Variants in DPP10 observed in about 807,000 individuals in gnomAD.
The protein encoded by DPP10 is inactive dipeptidyl peptidase 10.
In DPP10, 33 loss-of-function variants were observed where a neutral mutation model predicts 120.9. The ratio of observed to expected loss-of-function variants is 0.27; its 90% CI spans 0.21 to 0.37. DPP10 has a LOEUF of 0.37. Among genes scored for constraint, DPP10 ranks in the 10% least tolerant of loss-of-function variants. The pLI is 1.00. For synonymous variants in DPP10, 337 were observed against 326.1 expected, an observed-to-expected ratio of 1.03 and a Z score of -0.36; for missense variants, 816 against 942.8, an observed-to-expected ratio of 0.87 and a Z score of 1.76.
At chr2:115,258,648 C>T (rs1387334377) in intron 1 of DPP10, among the ~76,000 whole-genome samples, 2 of 152,088 alleles carry the variant, frequency 1.3e-5, no homozygotes, top group Non-Finnish European at 2.9e-5. Context: ...TATTTTATTT[C>T]ATGTGCTTAC....
At chr2:114,595,489 A>G (rs1475239802) in intron 1 of DPP10, among the ~76,000 whole-genome samples, 1 of 152,054 alleles carries the variant, frequency 6.6e-6, no homozygotes, top group Admixed American at 6.6e-5. Context: ...AGCCAACAAG[A>G]CACTTTCTGC....
At chr2:114,922,297 C>T (rs549680180) in intron 1 of DPP10, among the ~76,000 whole-genome samples, 35 of 152,100 alleles carry the variant, frequency 2.3e-4, no homozygotes, top group Non-Finnish European at 3.8e-4. Flanking sequence ...CATAGCTTTG[C>T]CTATTCTAGA....
intron 1 of DPP10, among the ~76,000 whole-genome samples, chr2:114,703,234 C>T (rs1459878663): frequency 1.3e-5 from 2 of 152,160 alleles, no homozygotes; most frequent in East Asian, 3.9e-4. Flanking sequence ...AATAATATAT[C>T]TAAATCTTTT....
At chr2:114,743,546 C>A (rs77894686) in intron 1 of DPP10, among the ~76,000 whole-genome samples, 2,623 of 152,100 alleles carry the variant, frequency 0.017, 37 homozygotes, top group Non-Finnish European at 0.027. Flanking sequence ...AAGCAATATT[C>A]CCAAATCTAC....
At chr2:115,443,835 A>G (rs533911810) in intron 3 of DPP10, among the ~76,000 whole-genome samples, 4 of 152,302 alleles carry the variant, frequency 2.6e-5, no homozygotes, top group East Asian at 1.9e-4. Flanking sequence ...CTTGAGCACT[A>G]TTGATATTTG....
chr2:114,726,872 T>A (rs1676371863), intron 1 of DPP10, among the ~76,000 whole-genome samples: 1 of 152,200 alleles, frequency 6.6e-6, no homozygotes, highest in Non-Finnish European at 1.5e-5. Context: ...TTTTTAATAT[T>A]AAGCTCTGGG....
At chr2:115,286,924 A>G (rs1348616933) in intron 1 of DPP10, among the ~76,000 whole-genome samples, 1 of 152,006 alleles carries the variant, frequency 6.6e-6, no homozygotes, top group African/African-American at 2.4e-5. Flanking sequence ...GCAGCTTATA[A>G]TATTTAAGTT....
chr2:115,662,015 C>A (rs1397328445), intron 5 of DPP10, among the ~76,000 whole-genome samples: 2 of 152,128 alleles, frequency 1.3e-5, no homozygotes, highest in African/African-American at 4.8e-5. Context: ...CTGAGAGCTT[C>A]TCATTTCCCC....
At chr2:115,103,768 T>G (rs908044197) in intron 1 of DPP10, among the ~76,000 whole-genome samples, 3 of 152,218 alleles carry the variant, frequency 2.0e-5, no homozygotes, top group Non-Finnish European at 2.9e-5. Flanking sequence ...GCCTGACTGA[T>G]AGCAAAAATT....
chr2:114,863,790 A>G (rs2106538529), intron 1 of DPP10, among the ~76,000 whole-genome samples: 1 of 152,328 alleles, frequency 6.6e-6, no homozygotes, highest in Non-Finnish European at 1.5e-5. Context: ...TAGTATTTTT[A>G]TTAGCAGTGC....
At chr2:114,608,172 T>C (rs1692976946) in intron 1 of DPP10, among the ~76,000 whole-genome samples, 1 of 152,198 alleles carries the variant, frequency 6.6e-6, no homozygotes, top group Admixed American at 6.5e-5. Context: ...TGGCCCTTAT[T>C]CTTAGTGAGT....
chr2:115,800,995 A>G (rs1402504429), intron 19 of DPP10, among the ~76,000 whole-genome samples: 2 of 152,118 alleles, frequency 1.3e-5, no homozygotes, highest in Non-Finnish European at 2.9e-5. Flanking sequence ...GCTTGATGGG[A>G]ATGGCATTGA....
chr2:115,258,844 G>T (rs1196503814), intron 1 of DPP10, among the ~76,000 whole-genome samples: 1 of 152,112 alleles, frequency 6.6e-6, no homozygotes, highest in Non-Finnish European at 1.5e-5. Flanking sequence ...AGCTGTGATA[G>T]CACCACTGCA....
intron 1 of DPP10, among the ~76,000 whole-genome samples, chr2:115,035,920 T>C (rs1295841564): frequency 6.6e-6 from 1 of 152,246 alleles, no homozygotes; most frequent in Non-Finnish European, 1.5e-5. Context: ...TGGATGATAA[T>C]GTTTTCTTAG....
In DPP10 at chr2:115,727,806, C is replaced by G; in HGVS notation, c.577-10C>G. 1.3e-6 allele frequency: 2 copies of G among 1,576,142 alleles called. No individual in the cohort carries two copies. Among genetic ancestry groups the G allele is most frequent in the South Asian group, 2.4e-5 (2 of 83,916 alleles). On this transcript the variant is annotated splice_polypyrimidine_tract_variant and intron_variant, in intron 7 of 25. Transcript: ENST00000410059. ...TGGATTTTTTGTTTGTTTCACATTT[C>G]CTGATCCAGATTTATATTTTTGAAA...
chr2:114,755,635 G>C (rs1022277723), intron 1 of DPP10, among the ~76,000 whole-genome samples: 1 of 152,200 alleles, frequency 6.6e-6, no homozygotes, highest in African/African-American at 2.4e-5. Context: ...GTGTTCTACT[G>C]TGATAGAATC....
At chr2:115,111,548 G>T (rs994234062) in intron 1 of DPP10, among the ~76,000 whole-genome samples, 3 of 152,146 alleles carry the variant, frequency 2.0e-5, no homozygotes, top group African/African-American at 4.8e-5. Context: ...GAGTAGGCAT[G>T]GGGTGTAGGT....
At chr2:114,548,354 G>A (rs1387183273) in intron 1 of DPP10, among the ~76,000 whole-genome samples, 1 of 152,148 alleles carries the variant, frequency 6.6e-6, no homozygotes, top group Non-Finnish European at 1.5e-5. Flanking sequence ...CAGTGACACA[G>A]CCTCAAAATT....
intron 1 of DPP10, among the ~76,000 whole-genome samples, chr2:115,115,534 C>T (rs1366276256): frequency 3.3e-5 from 5 of 152,152 alleles, no homozygotes; most frequent in African/African-American, 1.2e-4. Flanking sequence ...GATGCACATG[C>T]CAAATCTAAT....
Sources: allele counts gnomAD v4.1 joint callset (sites outside exome capture counted in the v4.1 genomes callset), GRCh38; gene constraint gnomAD v4.1.1; transcripts MANE v1.5; gene names NCBI Gene and HGNC (gene_info 2026-07-23, HGNC 2026-07-21).